The following DDX10 variants were observed in gnomAD, a reference collection of about 807,000 sequenced individuals.
The protein encoded by DDX10 is probable ATP-dependent RNA helicase DDX10.
In DDX10, 74 loss-of-function variants were observed where a neutral mutation model predicts 104.3. The observed-to-expected ratio is 0.71, with a 90% CI of 0.59 to 0.86. The LOEUF is 0.86. Ranked by LOEUF, DDX10 falls within the 40% of genes least tolerant of loss-of-function variation. The probability of loss-of-function intolerance (pLI) is 0.00; values close to 1 mark genes in which losing one functional copy is unlikely to be tolerated. For synonymous variants in DDX10, 351 were observed against 353.4 expected, an observed-to-expected ratio of 0.99 and a Z score of 0.08; for missense variants, 952 against 1,040.0, an observed-to-expected ratio of 0.92 and a Z score of 1.16.
chr11:108,878,544 A>G (rs904344641), intron 16 of DDX10, among the ~76,000 whole-genome samples: 1 of 152,188 alleles, frequency 6.6e-6, no homozygotes, highest in Non-Finnish European at 1.5e-5. Context: ...AATTATGATT[A>G]TTTAAAAAAT....
intron 9 of DDX10, among the ~76,000 whole-genome samples, chr11:108,698,345 G>C (rs186616069): frequency 6.7e-4 from 102 of 152,308 alleles, no homozygotes; most frequent in African/African-American, 2.5e-3. Context: ...AGCAATCTTT[G>C]TTAGTGAAAA....
At position 108,926,277 on chromosome 11, in the gene DDX10, G is replaced by A. The variant is rs559611616; in HGVS notation, c.2450+8259G>A. ...TCGTGAAAAATGATGGCATGGGTGTGCATGTAGCACAGACACTCCCATGCA... is the reference window on the plus strand; with the variant it reads ...TCGTGAAAAATGATGGCATGGGTGTACATGTAGCACAGACACTCCCATGCA... On this transcript the variant is annotated intron_variant, in intron 17 of 17. Transcript: ENST00000322536. Among the ~76,000 whole-genome samples the A allele has an allele frequency of 4.0e-5, 6 of 151,612 alleles. No homozygotes were observed. In the South Asian group the frequency reaches 1.3e-3, roughly 32 times the overall value.
At chr11:108,884,770 C>T (rs893541584) in intron 16 of DDX10, among the ~76,000 whole-genome samples, 1 of 152,156 alleles carries the variant, frequency 6.6e-6, no homozygotes, top group Non-Finnish European at 1.5e-5. Context: ...CAGTTCTTTA[C>T]TTCTTATTGT....
intron 15 of DDX10, among the ~76,000 whole-genome samples, chr11:108,842,388 AT>A (rs536634093): frequency 3.1e-3 from 468 of 152,348 alleles, no homozygotes; most frequent in African/African-American, 0.011. Context: ...TAAGAACAAA[AT>A]ACCTTTGGAT....
rs750169722 is a variant in DDX10 at position 108,723,065 on chromosome 11, A to G, written c.1568A>G (p.Glu523Gly). 1 of 1,613,494 alleles carries G rather than the reference A, an allele frequency of 6.2e-7. No individual in the cohort carries two copies. Among genetic ancestry groups the G allele is most frequent in the East Asian group, 2.2e-5 (1 of 44,836 alleles). Residue 523 changes from glutamate to glycine, a missense_variant, in exon 13 of 18, where the codon GAA becomes GGA. Physicochemically the swap from Glu to Gly is moderately conservative, Grantham distance 98 (BLOSUM62 -2). Coordinates refer to ENST00000322536, the MANE Select transcript of DDX10 (RefSeq NM_004398.4). ...AAAATGCAGAAACAACCCACCAAAG[A>G]ATTGGTAAGGAGCCAAGCCGATAAA... ...LQKMQKQPTK[E>G]LVRSQADKVI...
intron 13 of DDX10, among the ~76,000 whole-genome samples, chr11:108,837,413 C>T (rs1279375262): frequency 6.6e-6 from 1 of 152,042 alleles, no homozygotes; most frequent in African/African-American, 2.4e-5. Context: ...TGTCTTGTCA[C>T]TTTCTCATCA....
rs113361027 is a variant in DDX10, at chr11:108,926,840, G to T, written c.2450+8822G>T. ...TTAGGATGGGTATAAAGGTTTCTGA[G>T]AATGTTTCAGATGATCACAAGCTCA... On this transcript the variant is annotated intron_variant, in intron 17 of 17. Coordinates refer to ENST00000322536, the MANE Select transcript of DDX10 (RefSeq NM_004398.4). 6.7e-3 allele frequency among the ~76,000 whole-genome samples: 1,019 copies of T among 152,294 alleles called. 6 individuals carry two copies. The highest frequency in any genetic ancestry group is 0.023 in the African/African-American group (954 of 41,562).
At chr11:108,707,581 A>C (rs1329674867) in intron 10 of DDX10, among the ~76,000 whole-genome samples, 1 of 152,216 alleles carries the variant, frequency 6.6e-6, no homozygotes, top group Non-Finnish European at 1.5e-5. Flanking sequence ...GGTTATAAAA[A>C]GGACAGATTT....
chr11:108,858,745 T>G (rs913384066), intron 16 of DDX10, among the ~76,000 whole-genome samples: 5 of 152,240 alleles, frequency 3.3e-5, no homozygotes, highest in Admixed American at 3.3e-4. Context: ...TCCTAAGATG[T>G]GCATATTGAT....
In DDX10 at chr11:108,675,582, C is replaced by T. The variant is rs1319468840; in HGVS notation, c.248-14C>T. 7 of 1,612,346 alleles carry T rather than the reference C, an allele frequency of 4.3e-6. No individual in the cohort carries two copies. The highest frequency in any genetic ancestry group is 2.7e-5 in the African/African-American group (2 of 74,840). ...GGATCTTCTAAAGTATAATTCTTCC[C>T]TCCATGTTGCCAGGTTTGCAAGAAG... On this transcript the variant is annotated splice_polypyrimidine_tract_variant and intron_variant, in intron 2 of 17. Transcript: ENST00000322536.
intron 13 of DDX10, among the ~76,000 whole-genome samples, chr11:108,774,727 G>T (rs535576450): frequency 1.3e-5 from 2 of 152,108 alleles, no homozygotes; most frequent in Admixed American, 6.6e-5. Flanking sequence ...CTTTTCAGCT[G>T]TATTTTTTAT....
chr11:108,872,551 C>T (rs1324756449), intron 16 of DDX10, among the ~76,000 whole-genome samples: 1 of 152,138 alleles, frequency 6.6e-6, no homozygotes, highest in Non-Finnish European at 1.5e-5. Context: ...CAGGTTTAGA[C>T]AGCTTTGGTT....
At chr11:108,821,316 A>C (rs770262203) in intron 13 of DDX10, among the ~76,000 whole-genome samples, 4 of 152,212 alleles carry the variant, frequency 2.6e-5, no homozygotes, top group Admixed American at 6.5e-5. Context: ...CTGGGATAGT[A>C]GGAAGGAGAA....
chr11:108,715,858 C>T, intron 10 of DDX10, 21 bp from the exon 11 acceptor site: 2 of 1,273,074 alleles, frequency 1.6e-6, no homozygotes, highest in African/African-American at 1.5e-5. Context: ...TTATTTTAAC[C>T]TTTATCTTTT....
At chr11:108,790,593 A>G (rs1389714649) in intron 13 of DDX10, among the ~76,000 whole-genome samples, 2 of 152,134 alleles carry the variant, frequency 1.3e-5, no homozygotes, top group African/African-American at 4.8e-5. Context: ...AAAAGAATAT[A>G]ATGTCCCTCT....
At chr11:108,784,690 G>A (rs918902381) in intron 13 of DDX10, among the ~76,000 whole-genome samples, 4 of 152,156 alleles carry the variant, frequency 2.6e-5, no homozygotes, top group South Asian at 2.1e-4. Flanking sequence ...AAGCTCTTTC[G>A]TTTAATTAGG....
chr11:108,813,792 C>T (rs1461661366), intron 13 of DDX10, among the ~76,000 whole-genome samples: 2 of 152,128 alleles, frequency 1.3e-5, no homozygotes, highest in Non-Finnish European at 2.9e-5. Context: ...TATATAACTA[C>T]CCAATTATTC....
chr11:108,681,694 A>G (rs978013928), intron 6 of DDX10, among the ~76,000 whole-genome samples: 3 of 152,234 alleles, frequency 2.0e-5, no homozygotes, highest in Non-Finnish European at 4.4e-5. Flanking sequence ...GGTTATATAT[A>G]GACAACTGGT....
intron 16 of DDX10, among the ~76,000 whole-genome samples, chr11:108,910,175 A>G (rs1308452959): frequency 6.6e-6 from 1 of 152,200 alleles, no homozygotes; most frequent in Non-Finnish European, 1.5e-5. Context: ...TACAAAGCTT[A>G]TAAAATACAC....
Sources: allele counts gnomAD v4.1 joint callset (sites outside exome capture counted in the v4.1 genomes callset), GRCh38; gene constraint gnomAD v4.1.1; transcripts MANE v1.5; gene names NCBI Gene and HGNC (gene_info 2026-07-23, HGNC 2026-07-21).